Variants in BTD observed in about 807,000 individuals in gnomAD.
The protein encoded by BTD is biotinidase.
A neutral mutation model predicts 17.7 loss-of-function variants in BTD; 13 were observed. That is an observed-to-expected ratio of 0.74 (90% CI 0.48 to 1.17). BTD has a LOEUF of 1.17. Among genes scored for constraint, BTD ranks in the 50% most tolerant of loss-of-function variants. The pLI is 0.00. For missense variants in BTD, 674 were observed against 650.4 expected (o/e 1.04, Z -0.39); for synonymous variants, 240 against 245.2 (o/e 0.98, Z 0.20).
chr3:15,614,547 C>T (rs1223111294), intron 1 of BTD, among the ~76,000 whole-genome samples: 4 of 151,522 alleles, frequency 2.6e-5, no homozygotes, highest in East Asian at 1.9e-4. Flanking sequence ...ATGATTCTAA[C>T]GGCCATGCCA....
chr3:15,666,497 AC>A (rs1416395884), intron 3 of BTD, among the ~76,000 whole-genome samples: 1 of 152,252 alleles, frequency 6.6e-6, no homozygotes, highest in African/African-American at 2.4e-5. Flanking sequence ...TCAAGTACTT[AC>A]AACCTTGCCT....
At chr3:15,602,364 C>T (rs997780960) in intron 1 of BTD, 11 of 977,510 alleles carry the variant, frequency 1.1e-5, no homozygotes, top group South Asian at 4.3e-5. Context: ...TATTACTCTC[C>T]GCTAATATCT....
rs565088066 is a variant in BTD at position 15,680,083 on chromosome 3, A to C, written c.400-29977A>C. Among the ~76,000 whole-genome samples the C allele has an allele frequency of 3.3e-5, 5 of 152,340 alleles. No individual in the cohort carries two copies. In the South Asian group the frequency reaches 1.0e-3, roughly 32 times the overall value. Reference sequence around the variant, plus strand: ...GTCCTGGAAACCAATCCTCAACAGCAAACGAGAAATGACTGTGCTATTTTT... The same window carrying C: ...GTCCTGGAAACCAATCCTCAACAGCCAACGAGAAATGACTGTGCTATTTTT... On this transcript the variant is annotated intron_variant, in intron 3 of 3. Coordinates refer to the BTD transcript ENST00000672141.
At chr3:15,717,830 C>CGTAG (rs1264820173) in intron 4 of BTD, among the ~76,000 whole-genome samples, 2 of 152,148 alleles carry the variant, frequency 1.3e-5, no homozygotes, top group African/African-American at 4.8e-5. Flanking sequence ...TTACCTCTAC[C>CGTAG]ACTTTGCAGG....
rs397514389 is a variant in BTD at position 15,644,689 on chromosome 3, T to C, written c.773T>C (p.Leu258Pro). 6.2e-7 allele frequency: 1 copy of C among 1,614,214 alleles called. No homozygotes were observed. The highest frequency in any genetic ancestry group is 8.5e-7 in the Non-Finnish European group (1 of 1,180,038). ...YPTAWMNQLP[L>P]LAAIEIQKAF... is the part of the protein sequence containing the mutation. ...ACTGCCTGGATGAACCAGCTCCCACTCTTGGCAGCAATTGAGATTCAGAAA... is the reference window on the plus strand; with the variant it reads ...ACTGCCTGGATGAACCAGCTCCCACCCTTGGCAGCAATTGAGATTCAGAAA... The change falls in exon 4 of 4, where the codon CTC (leucine) becomes CCC (proline). Residue 258 changes from leucine (L) to proline (P), a missense_variant. Coordinates refer to ENST00000643237, the MANE Select transcript of BTD (RefSeq NM_001370658.1).
At position 15,650,756 on chromosome 3, in the gene BTD, G is replaced by C. The variant is rs767710806; in HGVS notation, c.*5268G>C. Among the ~76,000 whole-genome samples, 1 of 152,072 alleles carries C rather than the reference G, an allele frequency of 6.6e-6. No individual in the cohort carries two copies. Among genetic ancestry groups the C allele is most frequent in the Non-Finnish European group, 1.5e-5 (1 of 67,978 alleles). ...CGTGCCCATCCTGAATCAATGATCG[G>C]CCAGAGAGCTGTGATATTCTTTTGT... On this transcript the variant is annotated 3_prime_UTR_variant, in exon 4 of 4. Transcript: ENST00000643237.
intron 1 of BTD, among the ~76,000 whole-genome samples, chr3:15,614,598 CTTTTT>C (rs869155456): frequency 2.4e-5 from 3 of 125,246 alleles, no homozygotes; most frequent in African/African-American, 3.5e-5. Context: ...ATATCTTTTT[CTTTTT>C]TTTTTTTTTT....
intron 1 of BTD, among the ~76,000 whole-genome samples, chr3:15,605,551 A>G (rs1040484193): frequency 6.6e-6 from 1 of 152,184 alleles, no homozygotes; most frequent in African/African-American, 2.4e-5. Flanking sequence ...CAGATTTTGT[A>G]TTATACTCTA....
intron 3 of BTD, among the ~76,000 whole-genome samples, chr3:15,698,922 C>T (rs977861436): frequency 7.4e-4 from 113 of 152,252 alleles, no homozygotes; most frequent in Non-Finnish European, 1.2e-3. Context: ...AAAAAGAGCC[C>T]GCATTGCCAA....
intron 3 of BTD, among the ~76,000 whole-genome samples, chr3:15,703,478 T>A (rs1394372797): frequency 6.6e-6 from 1 of 152,174 alleles, no homozygotes; most frequent in Non-Finnish European, 1.5e-5. Flanking sequence ...AGTGTCCTTA[T>A]AAATAAGGCC....
At position 15,644,422 on chromosome 3, in the gene BTD, A is replaced by T; in HGVS notation, c.506A>T (p.Asp169Val). The T allele has an allele frequency of 6.2e-7, 1 of 1,614,130 alleles. No homozygotes were observed. Among genetic ancestry groups the T allele is most frequent in the East Asian group, 2.2e-5 (1 of 44,884 alleles). The change falls in exon 4 of 4, where the codon GAT (aspartate) becomes GTT (valine). Residue 169 changes from aspartate to valine, a missense_variant. Physicochemically the swap from Asp to Val is radical, Grantham distance 152. Transcript: ENST00000643237. ...AGCAGTGACCCAAGGTGCCCAAAAGATGGGAGATACCAGTTCAACACAAAT... is the reference window on the plus strand; with the variant it reads ...AGCAGTGACCCAAGGTGCCCAAAAGTTGGGAGATACCAGTTCAACACAAAT... Reference protein sequence around the residue: ...CHSSDPRCPKDGRYQFNTNVV... With the variant: ...CHSSDPRCPKVGRYQFNTNVV...
At chr3:15,642,253 T>A in intron 3 of BTD, 196 bp downstream of exon 3, 10 of 1,441,984 alleles carry the variant, frequency 6.9e-6, no homozygotes, top group Non-Finnish European at 9.1e-6. Flanking sequence ...CAGTTATTCA[T>A]CTATGGATCT....
chr3:15,693,445 AT>A (rs1295173516), intron 3 of BTD, among the ~76,000 whole-genome samples: 2 of 151,956 alleles, frequency 1.3e-5, no homozygotes. Flanking sequence ...ACAAATGAGA[AT>A]TTCTAAGGAA....
At chr3:15,616,209 TGTAAG>T (rs2064785629) in intron 1 of BTD, among the ~76,000 whole-genome samples, 1 of 152,226 alleles carries the variant, frequency 6.6e-6, no homozygotes, top group South Asian at 2.1e-4. Flanking sequence ...TGCTTCATTT[TGTAAG>T]AAAATGCCAA....
Position 15,635,477 on chromosome 3 carries a change from G to T in BTD, c.38G>T (p.Cys13Phe), listed in dbSNP as rs141131444. Residue 13 changes from cysteine (C) to phenylalanine (F), a missense_variant, in exon 2 of 4, where the codon TGC (cysteine) becomes TTC (phenylalanine). Cys to Phe is a radical substitution (Grantham distance 205, BLOSUM62 -2). Transcript: ENST00000643237. The surrounding 1 kb of genome is among the most constrained non-coding windows in gnomAD (Gnocchi z 4.1). ...AGAAGTAAGCTTGCTCTTTTCCTCT[G>T]CGGCTGTTACGTGGTTGCCCTGGGA... ...GARSKLALFL[C>F]GCYVVALGAH... The T allele has an allele frequency of 2.6e-4, 416 of 1,614,178 alleles. No homozygotes were observed. The highest frequency in any genetic ancestry group is 8.9e-4 in the South Asian group (81 of 91,084).
chr3:15,713,696 G>GT, downstream of BTD: 1 of 1,138,550 alleles, frequency 8.8e-7, no homozygotes, highest in South Asian at 1.6e-5. Context: ...CAGGTCAAAC[G>GT]TACTACATGA....
intron 1 of BTD, chr3:15,631,638 A>G (rs2065208273): frequency 5.6e-6 from 4 of 713,808 alleles, no homozygotes; most frequent in Non-Finnish European, 9.1e-6. Context: ...TGTTGGGGGA[A>G]TGTTTTCCTT....
intron 3 of BTD, among the ~76,000 whole-genome samples, chr3:15,691,215 C>G (rs1435840397): frequency 6.6e-6 from 1 of 152,000 alleles, no homozygotes; most frequent in Non-Finnish European, 1.5e-5. Flanking sequence ...CTCCGCCTCC[C>G]TGGGTTCAAG....
chr3:15,670,929 C>A (rs1352396014), intron 3 of BTD, among the ~76,000 whole-genome samples: 1 of 152,088 alleles, frequency 6.6e-6, no homozygotes, highest in Non-Finnish European at 1.5e-5. Flanking sequence ...TGTTAATTTG[C>A]AGTTATATCA....
Sources: allele counts gnomAD v4.1 joint callset (sites outside exome capture counted in the v4.1 genomes callset), GRCh38; gene constraint gnomAD v4.1.1; non-coding constraint Gnocchi (gnomAD v3.1); transcripts MANE v1.5; gene names NCBI Gene and HGNC (gene_info 2026-07-23, HGNC 2026-07-21).